The following PRKN variants were observed in gnomAD, a reference collection of about 807,000 sequenced individuals.
PRKN encodes the protein parkin RBR E3 ubiquitin protein ligase, also known as E3 ubiquitin-protein ligase parkin.
Under a neutral mutation model 59.5 loss-of-function variants are expected in PRKN, and 56 were observed. The observed-to-expected ratio is 0.94, with a 90% CI of 0.76 to 1.18. The LOEUF is 1.18. PRKN is among the 50% of genes most tolerant of loss of function. The probability of loss-of-function intolerance (pLI) is 0.00; values close to 1 mark genes in which losing one functional copy is unlikely to be tolerated. For missense variants in PRKN, 657 were observed against 596.4 expected, an observed-to-expected ratio of 1.10 and a Z score of -1.06; for synonymous variants, 250 against 222.1, an observed-to-expected ratio of 1.13 and a Z score of -1.12.
In PRKN at chr6:162,480,492, GAA is replaced by G. The variant is rs201623690; in HGVS notation, c.8-37021_8-37020del. Among the ~76,000 whole-genome samples, 603 of 148,286 alleles carry G rather than the reference GAA, an allele frequency of 4.1e-3. 2 individuals are homozygous for G. Among genetic ancestry groups the G allele is most frequent in the African/African-American group, 0.014 (569 of 40,730 alleles). On this transcript the variant is annotated intron_variant, in intron 1 of 11. Coordinates refer to ENST00000366898, the MANE Select transcript of PRKN (RefSeq NM_004562.3). ...TTCTGAAGGAGAAAAACTTACATGG[GAA>G]AAAGACTCCTTCTTTGTGCCATGGA...
intron 1 of PRKN, among the ~76,000 whole-genome samples, chr6:162,716,102 G>A (rs9365483): frequency 0.18 from 26,972 of 152,142 alleles, 3,088 homozygotes; most frequent in East Asian, 0.48. Context: ...ATAATTTAAG[G>A]TGTCAATAAA....
chr6:162,265,986 C>G (rs1394918272), intron 2 of PRKN, among the ~76,000 whole-genome samples: 1 of 152,180 alleles, frequency 6.6e-6, no homozygotes, highest in African/African-American at 2.4e-5. Context: ...GGCAGCACTC[C>G]TCCAGCTGTG....
chr6:162,656,016 A>G (rs992423896), intron 1 of PRKN, among the ~76,000 whole-genome samples: 10 of 152,198 alleles, frequency 6.6e-5, no homozygotes, highest in Admixed American at 3.9e-4. Flanking sequence ...GGCCCAAATT[A>G]TATAAATTAT....
intron 9 of PRKN, among the ~76,000 whole-genome samples, chr6:161,433,834 T>C (rs2115059695): frequency 6.6e-6 from 1 of 152,128 alleles, no homozygotes; most frequent in African/African-American, 2.4e-5. Context: ...CTGGCCAACA[T>C]GATGAAACCC....
chr6:162,391,522 G>A (rs1179112562), intron 2 of PRKN, among the ~76,000 whole-genome samples: 1 of 150,072 alleles, frequency 6.7e-6, no homozygotes, highest in Non-Finnish European at 1.5e-5. Flanking sequence ...TGCTTGACGT[G>A]GATTTCGAAA....
At chr6:162,269,193 C>T (rs775816695) in intron 2 of PRKN, among the ~76,000 whole-genome samples, 35 of 152,114 alleles carry the variant, frequency 2.3e-4, no homozygotes, top group Non-Finnish European at 2.9e-5. Flanking sequence ...GCACTTATCA[C>T]GTCGTATTGT....
At chr6:162,486,286 G>C (rs745698688) in intron 1 of PRKN, among the ~76,000 whole-genome samples, 1 of 152,106 alleles carries the variant, frequency 6.6e-6, no homozygotes, top group African/African-American at 2.4e-5. Context: ...CTAGCCTGCT[G>C]TTTAAGCAAA....
At chr6:162,598,731 T>C (rs1255182069) in intron 1 of PRKN, among the ~76,000 whole-genome samples, 1 of 151,518 alleles carries the variant, frequency 6.6e-6, no homozygotes, top group East Asian at 2.0e-4. Flanking sequence ...TGCATGCCTG[T>C]AATCCCAGTT....
intron 4 of PRKN, among the ~76,000 whole-genome samples, chr6:162,151,462 T>C (rs1353093814): frequency 6.6e-6 from 1 of 152,234 alleles, no homozygotes; most frequent in East Asian, 1.9e-4. Context: ...TTAAAATAGC[T>C]TGTGGTTGAA....
intron 8 of PRKN, among the ~76,000 whole-genome samples, chr6:161,556,555 G>T (rs920257541): frequency 6.6e-6 from 1 of 152,114 alleles, no homozygotes; most frequent in African/African-American, 2.4e-5. Context: ...AGTTGAAAGC[G>T]CATTAATGGA....
intron 2 of PRKN, among the ~76,000 whole-genome samples, chr6:162,299,231 C>T (rs1172354228): frequency 6.6e-6 from 1 of 152,144 alleles, no homozygotes; most frequent in East Asian, 1.9e-4. Context: ...GGGACGCTGC[C>T]CATGACACGG....
In PRKN at chr6:162,697,854, A is replaced by G. The variant is rs368296577; in HGVS notation, c.7+29808T>C. ...TACTTCATTAGTAAAAAAAGTAAAT[A>G]TTCCTAGGTCTACTTCTTAACATAT... On this transcript the variant is annotated intron_variant, in intron 1 of 11. Transcript: ENST00000366898. Among the ~76,000 whole-genome samples the G allele has an allele frequency of 7.9e-5, 12 of 152,344 alleles. No homozygotes were observed. In the South Asian group the frequency reaches 1.2e-3, roughly 16 times the overall value.
chr6:162,485,447 T>A (rs1583653783), intron 1 of PRKN, among the ~76,000 whole-genome samples: 1 of 152,212 alleles, frequency 6.6e-6, no homozygotes, highest in Non-Finnish European at 1.5e-5. Context: ...ACTTATAAAA[T>A]AGGTAATTAT....
intron 6 of PRKN, among the ~76,000 whole-genome samples, chr6:161,824,679 C>T (rs1792168423): frequency 6.6e-6 from 1 of 152,144 alleles, no homozygotes; most frequent in Admixed American, 6.5e-5. Context: ...GACTAAATTG[C>T]TACATTTATC....
chr6:161,697,889 T>C (rs1207028542), intron 7 of PRKN, among the ~76,000 whole-genome samples: 1 of 152,198 alleles, frequency 6.6e-6, no homozygotes, highest in Non-Finnish European at 1.5e-5. Context: ...TTATTTTTCA[T>C]TTTTATTAGT....
intron 9 of PRKN, among the ~76,000 whole-genome samples, chr6:161,496,212 G>C (rs951253040): frequency 1.4e-4 from 22 of 152,226 alleles, no homozygotes; most frequent in African/African-American, 5.3e-4. Context: ...GTGCACACAG[G>C]CAAGGCTAGC....
At position 162,190,000 on chromosome 6, in the gene PRKN, TA is replaced by T. The variant is rs565456087; in HGVS notation, c.534+11130del. Among the ~76,000 whole-genome samples, 7 of 151,752 alleles carry T rather than the reference TA, an allele frequency of 4.6e-5. No individual in the cohort carries two copies. In the South Asian group the frequency reaches 8.3e-4, roughly 18 times the overall value. ...GCACAACTGAAGATTCATAACACATTAAAAAAAATAGGGTCATTCTGACACT... is the reference window on the plus strand; with the variant it reads ...GCACAACTGAAGATTCATAACACATTAAAAAAATAGGGTCATTCTGACACT... On this transcript the variant is annotated intron_variant, in intron 4 of 11. Transcript: ENST00000366898.
intron 7 of PRKN, among the ~76,000 whole-genome samples, chr6:161,642,867 A>C (rs1223839550): frequency 6.6e-6 from 1 of 152,202 alleles, no homozygotes; most frequent in Non-Finnish European, 1.5e-5. Flanking sequence ...TTAAACATAC[A>C]CTTATATAGC....
intron 6 of PRKN, among the ~76,000 whole-genome samples, chr6:161,887,636 A>AT (rs71544921): frequency 0.51 from 76,896 of 151,970 alleles, 20,130 homozygotes; most frequent in East Asian, 0.65. Context: ...ATTAATACAA[A>AT]TATCTTTACT....
Sources: gnomAD v4.1 joint callset for allele counts (sites outside exome capture counted in the v4.1 genomes callset) on GRCh38, gnomAD v4.1.1 for gene constraint, MANE v1.5 for transcripts, NCBI Gene and HGNC (gene_info 2026-07-23, HGNC 2026-07-21) for gene names.